Variants in AASS observed in about 807,000 individuals in gnomAD.
AASS encodes aminoadipate-semialdehyde synthase, also known as alpha-aminoadipic semialdehyde synthase, mitochondrial.
AASS carries 86 observed loss-of-function variants against 105.4 expected under a neutral mutation model. That is an observed-to-expected ratio of 0.82 (90% confidence interval 0.69 to 0.98). The LOEUF (loss-of-function observed/expected upper bound fraction) is 0.98, where lower values mean the gene tolerates loss of function less well. Ranked by LOEUF, AASS falls within the 50% of genes least tolerant of loss-of-function variation. AASS has a pLI of 0.00. For synonymous variants in AASS, 381 were observed against 394.8 expected (o/e 0.96, Z 0.41); for missense variants, 1,048 against 1,143.2 (o/e 0.92, Z 1.20).
At chr7:122,102,309 C>T (rs72499551) in intron 11 of AASS, among the ~76,000 whole-genome samples, 33,927 of 151,866 alleles carry the variant, frequency 0.22, 4,032 homozygotes, top group African/African-American at 0.31. Context: ...GTTAACATTT[C>T]AGCAACCTTC....
intron 9 of AASS, among the ~76,000 whole-genome samples, chr7:122,114,189 C>T (rs866529781): frequency 6.6e-6 from 1 of 152,166 alleles, no homozygotes; most frequent in African/African-American, 2.4e-5. Flanking sequence ...TCTCCAATTA[C>T]CACTTGCATA....
chr7:122,094,799 A>T lies in AASS; in HGVS notation c.1656-1641T>A, dbSNP rs73442826. Among the ~76,000 whole-genome samples, 685 of 151,420 alleles carry T rather than the reference A, an allele frequency of 4.5e-3. 5 individuals are homozygous for T. Among genetic ancestry groups the T allele is most frequent in the African/African-American group, 0.016 (650 of 41,286 alleles). ...CCATTCTGATACCTTTACACCGATC[A>T]ACACCATGAAAGCCTATCTCCTCCT... On this transcript the variant is annotated intron_variant, in intron 15 of 23. Coordinates refer to ENST00000417368, the MANE Select transcript of AASS (RefSeq NM_005763.4).
rs1483433895 is a variant in AASS, at chr7:122,142,201, AACCTCT to A, written c.-16+1954_-16+1959del. On this transcript the variant is annotated intron_variant, in intron 1 of 23. Coordinates refer to ENST00000417368, the MANE Select transcript of AASS (RefSeq NM_005763.4). ...TCATGCGCAAAATGAGAATCATATT[AACCTCT>A]ACCTCTTAGGGCTCTTAAGACGTTT... Among the ~76,000 whole-genome samples the A allele has an allele frequency of 2.0e-5, 3 of 152,310 alleles. No individual in the cohort carries two copies. In the East Asian group the frequency reaches 5.8e-4, roughly 29 times the overall value.
chr7:122,125,725 G>A (rs1418283491), intron 4 of AASS, among the ~76,000 whole-genome samples: 1 of 152,210 alleles, frequency 6.6e-6, no homozygotes, highest in Non-Finnish European at 1.5e-5. Flanking sequence ...GCTTGGACCA[G>A]TATAAGCCTG....
chr7:122,082,418 C>A (rs1044507071), intron 19 of AASS, among the ~76,000 whole-genome samples: 1 of 152,148 alleles, frequency 6.6e-6, no homozygotes, highest in Non-Finnish European at 1.5e-5. Flanking sequence ...TCCCTTCAGA[C>A]CCAGTTTAGC....
Position 122,091,742 on chromosome 7 carries a change from C to A in AASS, c.1977G>T (p.Met659Ile). ...GATAGGTGGCAGACTGCATTACATT[C>A]ATCAAAACTCCCACTGGACTCCAGC... The part of the protein sequence containing the change: ...KFSWSPVGVL[M>I]NVMQSATYLL... Residue 659 changes from methionine to isoleucine, a missense_variant, in exon 18 of 24, where the codon ATG becomes ATT. Met to Ile is a conservative substitution (Grantham distance 10, BLOSUM62 1). Coordinates refer to ENST00000417368, the MANE Select transcript of AASS (RefSeq NM_005763.4). 6.2e-7 allele frequency: 1 copy of A among 1,612,982 alleles called. No homozygotes were observed. Among genetic ancestry groups the A allele is most frequent in the Non-Finnish European group, 8.5e-7 (1 of 1,179,334 alleles).
chr7:122,143,213 T>A (rs1352635934), intron 1 of AASS, among the ~76,000 whole-genome samples: 1 of 152,164 alleles, frequency 6.6e-6, no homozygotes, highest in African/African-American at 2.4e-5. Flanking sequence ...TTCCGTCCTG[T>A]GTATAACTAC....
intron 1 of AASS, among the ~76,000 whole-genome samples, chr7:122,135,167 T>C (rs1203469113): frequency 6.6e-6 from 1 of 151,472 alleles, no homozygotes; most frequent in Admixed American, 6.6e-5. Flanking sequence ...GAGATACACC[T>C]AATGTAAATG....
In AASS at chr7:122,076,318, G is replaced by A. The variant is rs1167547500; in HGVS notation, c.*171C>T. The A allele has an allele frequency of 4.9e-6, 3 of 607,138 alleles. No individual in the cohort carries two copies. The highest frequency in any genetic ancestry group is 1.8e-5 in the African/African-American group (1 of 54,160). 37.6% of individuals were successfully genotyped at this position (607,138 alleles called of 1,614,324 possible). On this transcript the variant is annotated 3_prime_UTR_variant, in exon 24 of 24. Transcript: ENST00000417368. The stretch of plus-strand genomic sequence containing the variant: ...TCTCTGTTAGTGGCTTGCATCTCCT[G>A]TTCCAAACATTTCCATATTAAAATA...
At position 122,078,827 on chromosome 7, in the gene AASS, C is replaced by G. The variant is rs780396059; in HGVS notation, c.2485+35G>C. ...GCACTGACTCTATCTTATGATTCTTCTTTAGGTATATTTAGCTAATACTTC... is the reference window on the plus strand; with the variant it reads ...GCACTGACTCTATCTTATGATTCTTGTTTAGGTATATTTAGCTAATACTTC... On this transcript the variant is annotated intron_variant, in intron 22 of 23. Transcript: ENST00000417368. The G allele has an allele frequency of 1.1e-5, 17 of 1,573,800 alleles. No homozygotes were observed. The Admixed American group carries it at 2.0e-4, about 19-fold the overall frequency.
intron 11 of AASS, among the ~76,000 whole-genome samples, chr7:122,110,715 A>C (rs1794893694): frequency 6.6e-6 from 1 of 151,924 alleles, no homozygotes; most frequent in South Asian, 2.1e-4. Context: ...CATAGATGTT[A>C]ATAATCCTAA....
chr7:122,083,069 A>T (rs553098380), intron 19 of AASS, among the ~76,000 whole-genome samples: 4 of 146,940 alleles, frequency 2.7e-5, no homozygotes, highest in Non-Finnish European at 6.0e-5. Flanking sequence ...AAAGAGAGAG[A>T]GGGAAATAAT....
At chr7:122,099,866 C>T (rs970821032) in intron 13 of AASS, among the ~76,000 whole-genome samples, 2 of 151,858 alleles carry the variant, frequency 1.3e-5, no homozygotes, top group African/African-American at 4.8e-5. Context: ...TTAACTACTA[C>T]CATCTCCCAT....
chr7:122,140,492 A>AAAAAAAAAG (rs1796340853), intron 1 of AASS, among the ~76,000 whole-genome samples: 3 of 147,900 alleles, frequency 2.0e-5, no homozygotes, highest in Non-Finnish European at 4.5e-5. Context: ...TCTCAAAAAA[A>AAAAAAAAAG]AAAAAAAAAA....
chr7:122,117,305 G>T (rs1795228241), intron 6 of AASS, among the ~76,000 whole-genome samples: 1 of 152,230 alleles, frequency 6.6e-6, no homozygotes, highest in South Asian at 2.1e-4. Flanking sequence ...TCCTACAAAA[G>T]AAATAATCAG....
chr7:122,135,571 A>G (rs1387738986), intron 1 of AASS, among the ~76,000 whole-genome samples: 1 of 152,220 alleles, frequency 6.6e-6, no homozygotes, highest in Non-Finnish European at 1.5e-5. Flanking sequence ...AAGGCTTACT[A>G]TGATGAATGT....
chr7:122,106,445 A>G (rs1794666828), intron 11 of AASS, among the ~76,000 whole-genome samples: 1 of 152,218 alleles, frequency 6.6e-6, no homozygotes, highest in South Asian at 2.1e-4. Flanking sequence ...CAGAATAGCC[A>G]AGGCAATCCT....
rs1182722803 is a variant in AASS, at chr7:122,073,695, C to G, written c.*2794G>C. ...TCAACTTTACAACGTTTACATCACCCCAAAAAAGAAACCCCATACTAATTA... is the reference window on the plus strand; with the variant it reads ...TCAACTTTACAACGTTTACATCACCGCAAAAAAGAAACCCCATACTAATTA... On this transcript the variant is annotated 3_prime_UTR_variant, in exon 24 of 24. Transcript: ENST00000417368. 1.3e-5 allele frequency among the ~76,000 whole-genome samples: 2 copies of G among 152,070 alleles called. No homozygotes were observed. The highest frequency in any genetic ancestry group is 4.8e-5 in the African/African-American group (2 of 41,408).
At chr7:122,132,146 A>G (rs1030404640) in intron 2 of AASS, among the ~76,000 whole-genome samples, 2 of 152,174 alleles carry the variant, frequency 1.3e-5, no homozygotes, top group Non-Finnish European at 2.9e-5. Flanking sequence ...ATGAAGATGT[A>G]TATATAAACT....
Sources: allele counts gnomAD v4.1 joint callset (sites outside exome capture counted in the v4.1 genomes callset), GRCh38; gene constraint gnomAD v4.1.1; transcripts MANE v1.5; gene names NCBI Gene and HGNC (gene_info 2026-07-23, HGNC 2026-07-21).